Variants in ASIC1 observed in about 807,000 individuals in gnomAD.
The protein encoded by ASIC1 is acid sensing ion channel subunit 1, also known as acid-sensing ion channel 1.
ASIC1 carries 21 observed loss-of-function variants against 63.4 expected under a neutral mutation model. That is an observed-to-expected ratio of 0.33 (90% confidence interval 0.23 to 0.48). The LOEUF is 0.48. ASIC1 is among the 20% of genes least tolerant of loss of function. The pLI, the probability that ASIC1 is intolerant of heterozygous loss-of-function variation, is 0.99. For synonymous variants in ASIC1, 258 were observed against 278.2 expected, an observed-to-expected ratio of 0.93 and a Z score of 0.72; for missense variants, 478 against 695.5, an observed-to-expected ratio of 0.69 and a Z score of 3.52.
Position 50,059,144 on chromosome 12 carries a change from C to T in ASIC1, c.362+16C>T. 6.2e-7 allele frequency: 1 copy of T among 1,609,814 alleles called. No individual in the cohort carries two copies. The highest frequency in any genetic ancestry group is 8.5e-7 in the Non-Finnish European group (1 of 1,178,272). ...TCAACAACAGGTGGGTGGCTCCCAC[C>T]CTCCCTCAGCCCTGCTCCTGGAGTT... On this transcript the variant is annotated intron_variant, in intron 2 of 11. Transcript: ENST00000447966. This position sits in a 1 kb window ranked among gnomAD's most constrained non-coding sequence, Gnocchi z 4.6.
intron 3 of ASIC1, among the ~76,000 whole-genome samples, chr12:50,071,748 C>T (rs1414838085): frequency 1.3e-5 from 2 of 152,154 alleles, no homozygotes; most frequent in South Asian, 2.1e-4. Context: ...CGGGTTCAAG[C>T]GATTCTTCTG....
chr12:50,060,019 C>T (rs1950486679), intron 3 of ASIC1, 65 bp downstream of exon 3: 5 of 1,564,650 alleles, frequency 3.2e-6, no homozygotes, highest in South Asian at 1.1e-5. Context: ...AGACAAGGAG[C>T]AGGCTGGGCC....
At chr12:50,077,502 T>C (rs1453903619) in intron 4 of ASIC1, 139 bp downstream of exon 4, 1 of 1,209,006 alleles carries the variant, frequency 8.3e-7, no homozygotes, top group African/African-American at 1.5e-5. Context: ...TCTCTATCAC[T>C]GACTCTACCT....
rs780887131 is a variant in ASIC1 at position 50,081,296 on chromosome 12, CAGA to C, written c.1417_1419del (p.Lys473del). On this transcript the variant is annotated inframe_deletion, in exon 11 of 12. Coordinates refer to ENST00000447966, the MANE Select transcript of ASIC1 (RefSeq NM_001095.4). ...CAAGCTGTGCCGACGAGGAAAATGCCAGAAGGAGGCCAAAAGGAGCAGTGCGGA... is the reference window on the plus strand; with the variant it reads ...CAAGCTGTGCCGACGAGGAAAATGCCAGGAGGCCAAAAGGAGCAGTGCGGA... The C allele has an allele frequency of 1.7e-5, 28 of 1,610,780 alleles. No individual in the cohort carries two copies. Among genetic ancestry groups the C allele is most frequent in the Non-Finnish European group, 2.1e-5 (25 of 1,178,560 alleles).
chr12:50,078,191 G>T lies in ASIC1; in HGVS notation c.837+64G>T. 1 of 1,570,914 alleles carries T rather than the reference G, an allele frequency of 6.4e-7. No homozygotes were observed. Among genetic ancestry groups the T allele is most frequent in the Non-Finnish European group, 8.6e-7 (1 of 1,161,124 alleles). On this transcript the variant is annotated intron_variant, in intron 5 of 11. Coordinates refer to ENST00000447966, the MANE Select transcript of ASIC1 (RefSeq NM_001095.4). The surrounding 1 kb of genome is among the most constrained non-coding windows in gnomAD (Gnocchi z 6.0). ...TTGAGGGGTCCAGATGGAGTGGTGG[G>T]CAATCAGTAATGGGAAGGACAGGTG... is the stretch of plus-strand genomic sequence containing the variant.
rs1392742315 is a variant in ASIC1, at chr12:50,074,858, C to CTGTGTGTGTG, written c.559-2354_559-2353insGTGTGTGTGT. On this transcript the variant is annotated intron_variant, in intron 3 of 11. Transcript: ENST00000447966. This position sits in a 1 kb window ranked among gnomAD's most constrained non-coding sequence, Gnocchi z 4.2. Reference sequence around the variant, plus strand: ...CCTATGGACGCCCCACCCCCACCAGCTCTGTGTGTGTGTGTGTGTGTGTGT... The same window carrying CTGTGTGTGTG: ...CCTATGGACGCCCCACCCCCACCAGCTGTGTGTGTGTCTGTGTGTGTGTGTGTGTGTGTGT... Among the ~76,000 whole-genome samples the CTGTGTGTGTG allele has an allele frequency of 8.6e-5, 11 of 127,178 alleles. No individual in the cohort carries two copies. The highest frequency in any genetic ancestry group is 3.1e-4 in the African/African-American group (10 of 32,150). The allele number at this position is 127,178 out of a possible 152,430, so 83.4% of individuals were successfully genotyped here.
In ASIC1 at chr12:50,081,955, A is replaced by G; in HGVS notation, c.*306A>G. The G allele has an allele frequency of 2.6e-6, 1 of 389,842 alleles. No individual in the cohort carries two copies. Among genetic ancestry groups the G allele is most frequent in the Non-Finnish European group, 4.7e-6 (1 of 213,366 alleles). The allele number at this position is 389,842 out of a possible 1,614,324, so 24.1% of individuals were successfully genotyped here. On this transcript the variant is annotated 3_prime_UTR_variant, in exon 12 of 12. Transcript: ENST00000447966. ...CTCCCAGCCTGAATTCTGTCTATCT[A>G]GCTGTCTGCCATCTGAGTGTCCATC...
At chr12:50,066,431 G>A (rs994756426) in intron 3 of ASIC1, among the ~76,000 whole-genome samples, 1 of 152,074 alleles carries the variant, frequency 6.6e-6, no homozygotes, top group African/African-American at 2.4e-5. Context: ...GCAAGAAAGG[G>A]TATAGAGAAG....
Position 50,078,651 on chromosome 12 carries a change from A to G in ASIC1, c.994+74A>G. 2 of 1,588,760 alleles carry G rather than the reference A, an allele frequency of 1.3e-6. No homozygotes were observed. Among genetic ancestry groups the G allele is most frequent in the Non-Finnish European group, 1.7e-6 (2 of 1,165,030 alleles). ...TGCCCTTCACTAGCTCCCCATCCAT[A>G]TCAATCTCCCAACCCCAGTTCCAGC... On this transcript the variant is annotated intron_variant, in intron 6 of 11. Coordinates refer to ENST00000447966, the MANE Select transcript of ASIC1 (RefSeq NM_001095.4). The surrounding 1 kb of genome is among the most constrained non-coding windows in gnomAD (Gnocchi z 6.0).
chr12:50,077,888 C>T, intron 4 of ASIC1, 112 bp from the exon 5 acceptor site: 1 of 1,487,748 alleles, frequency 6.7e-7, no homozygotes, highest in Non-Finnish European at 9.0e-7. Flanking sequence ...TTCCCCCACC[C>T]CAGCCCCAGT....
chr12:50,074,091 C>T lies in ASIC1; in HGVS notation c.559-3122C>T, dbSNP rs1480399558. The stretch of plus-strand genomic sequence containing the variant: ...TGGGACTGGATGAAAGTGATGACCC[C>T]GGGGTGCCCCTCGCTCCACCGGGCC... On this transcript the variant is annotated intron_variant, in intron 3 of 11. Coordinates refer to ENST00000447966, the MANE Select transcript of ASIC1 (RefSeq NM_001095.4). This position sits in a 1 kb window ranked among gnomAD's most constrained non-coding sequence, Gnocchi z 4.2. 37 of 1,535,528 alleles carry T rather than the reference C, an allele frequency of 2.4e-5. No homozygotes were observed. Among genetic ancestry groups the T allele is most frequent in the Non-Finnish European group, 3.1e-5 (35 of 1,146,558 alleles).
rs1207136821 is a variant in ASIC1, at chr12:50,081,766, C to T, written c.*117C>T. 1 of 878,094 alleles carries T rather than the reference C, an allele frequency of 1.1e-6. No homozygotes were observed. Among genetic ancestry groups the T allele is most frequent in the East Asian group, 2.7e-5 (1 of 37,678 alleles). The allele number at this position is 878,094 out of a possible 1,614,324, so 54.4% of individuals were successfully genotyped here. A position where few individuals can be genotyped will look rare whatever the true frequency, so the allele number is the denominator to read the frequency against. The stretch of plus-strand genomic sequence containing the variant: ...TCCCCACACTCCGGGGCAGATCTTT[C>T]CTCTTGTCTGTGGTAAGGAAGGAGT... On this transcript the variant is annotated 3_prime_UTR_variant, in exon 12 of 12. Coordinates refer to ENST00000447966, the MANE Select transcript of ASIC1 (RefSeq NM_001095.4).
intron 3 of ASIC1, chr12:50,076,862 T>C (rs1040809590): frequency 4.5e-6 from 2 of 449,238 alleles, no homozygotes; most frequent in Admixed American, 2.4e-5. Flanking sequence ...CCTAAGGCAC[T>C]ACTAGAGCTA....
chr12:50,073,881 A>T, intron 3 of ASIC1: 1 of 1,533,774 alleles, frequency 6.5e-7, no homozygotes, highest in South Asian at 1.2e-5. Flanking sequence ...TTGTCCTGGC[A>T]CTGGGTGCCT....
Position 50,078,486 on chromosome 12 carries a change from C to T in ASIC1, c.903C>T (p.Phe301=). 5 of 1,614,112 alleles carry T rather than the reference C, an allele frequency of 3.1e-6. No individual in the cohort carries two copies. The highest frequency in any genetic ancestry group is 4.2e-6 in the Non-Finnish European group (5 of 1,179,994). The change falls in exon 6 of 12, where the codon TTC becomes TTT. Residue 301 remains phenylalanine (F), a synonymous_variant. Transcript: ENST00000447966. The surrounding 1 kb of genome is among the most constrained non-coding windows in gnomAD (Gnocchi z 6.0). ...KAVTMDSDLD[F]FDSYSITACR... Reference sequence around the variant, plus strand: ...TTACCATGGACTCGGATTTGGATTTCTTCGACTCCTACAGCATCACTGCCT... The same window carrying T: ...TTACCATGGACTCGGATTTGGATTTTTTCGACTCCTACAGCATCACTGCCT...
chr12:50,078,207 A>T lies in ASIC1; in HGVS notation c.837+80A>T. On this transcript the variant is annotated intron_variant, in intron 5 of 11. Coordinates refer to ENST00000447966, the MANE Select transcript of ASIC1 (RefSeq NM_001095.4). The surrounding 1 kb of genome is among the most constrained non-coding windows in gnomAD (Gnocchi z 6.0). ...GAGTGGTGGGCAATCAGTAATGGGA[A>T]GGACAGGTGAGCAAGGACCTGGGTG... The T allele has an allele frequency of 6.4e-7, 1 of 1,554,216 alleles. No individual in the cohort carries two copies. The highest frequency in any genetic ancestry group is 8.7e-7 in the Non-Finnish European group (1 of 1,153,032).
In ASIC1 at chr12:50,083,490, A is replaced by T. The variant is rs994235736; in HGVS notation, c.*1841A>T. 1 of 152,734 alleles carries T rather than the reference A, an allele frequency of 6.5e-6. No individual in the cohort carries two copies. Among genetic ancestry groups the T allele is most frequent in the African/African-American group, 2.4e-5 (1 of 41,464 alleles). The allele number at this position is 152,734 out of a possible 1,614,324, so 9.5% of individuals were successfully genotyped here. On this transcript the variant is annotated 3_prime_UTR_variant, in exon 12 of 12. Coordinates refer to ENST00000447966, the MANE Select transcript of ASIC1 (RefSeq NM_001095.4). ...TCTCTTGGTTCCTAAGAGTTTCCTC[A>T]GAGATCATACCTCCCCAGAGGGAAG...
intron 3 of ASIC1, among the ~76,000 whole-genome samples, chr12:50,068,600 G>C (rs373898132): frequency 6.6e-6 from 1 of 151,670 alleles, no homozygotes; most frequent in Non-Finnish European, 1.5e-5. Flanking sequence ...AGCTCCAGTC[G>C]CCAATTTTCC....
Position 50,081,721 on chromosome 12 carries a change from C to G in ASIC1, c.*72C>G. On this transcript the variant is annotated 3_prime_UTR_variant, in exon 12 of 12. Transcript: ENST00000447966. ...GAGCGAGGGGGCCCCCAGCTGCCTC[C>G]TCACATCTGCCCTGGGGACTCCCCA... 2 of 1,386,196 alleles carry G rather than the reference C, an allele frequency of 1.4e-6. No individual in the cohort carries two copies. The highest frequency in any genetic ancestry group is 2.0e-6 in the Non-Finnish European group (2 of 997,964). 85.9% of individuals were successfully genotyped at this position (1,386,196 alleles called of 1,614,324 possible). A position where few individuals can be genotyped will look rare whatever the true frequency, so the allele number is the denominator to read the frequency against.
Sources: gnomAD v4.1 joint callset for allele counts (sites outside exome capture counted in the v4.1 genomes callset) on GRCh38, gnomAD v4.1.1 for gene constraint, Gnocchi (gnomAD v3.1) non-coding constraint, MANE v1.5 for transcripts, NCBI Gene and HGNC (gene_info 2026-07-23, HGNC 2026-07-21) for gene names.